Variants in AMPD3 observed in about 807,000 individuals in gnomAD.
The protein encoded by AMPD3 is adenosine monophosphate deaminase 3, also known as AMP deaminase 3.
AMPD3 carries 57 observed loss-of-function variants against 82.3 expected under a neutral mutation model. That is an observed-to-expected ratio of 0.69 (90% CI 0.56 to 0.86). AMPD3 has a LOEUF of 0.86. Ranked by LOEUF, AMPD3 falls within the 40% of genes least tolerant of loss-of-function variation. The pLI is 0.00. For synonymous variants in AMPD3, 381 were observed against 394.7 expected, an observed-to-expected ratio of 0.97 and a Z score of 0.41; for missense variants, 870 against 1,003.8, an observed-to-expected ratio of 0.87 and a Z score of 1.80.
At position 10,496,947 on chromosome 11, in the gene AMPD3, G is replaced by A. The variant is rs1228455816; in HGVS notation, c.1557+9G>A. The A allele has an allele frequency of 6.2e-7, 1 of 1,613,916 alleles. No homozygotes were observed. The highest frequency in any genetic ancestry group is 2.2e-5 in the East Asian group (1 of 44,872). On this transcript the variant is annotated intron_variant, in intron 10 of 14. Transcript: ENST00000396553. ...ACCTCTTCCTTAAATATGTAAGTGT[G>A]GGTGGTGCCCTAGGCAGGGCTCATA... is the stretch of plus-strand genomic sequence containing the variant.
intron 4 of AMPD3, chr11:10,484,318 T>C (rs1848999596): frequency 2.0e-6 from 2 of 985,334 alleles, no homozygotes; most frequent in Non-Finnish European, 2.4e-6. Flanking sequence ...CTTTGCTCCT[T>C]TGGGGAGGGA....
intron 9 of AMPD3, 91 bp from the exon 10 acceptor site, chr11:10,496,721 C>G: frequency 6.2e-7 from 1 of 1,600,692 alleles, no homozygotes; most frequent in South Asian, 1.1e-5. Context: ...GATGGGGACA[C>G]AGGGTGCCTG....
intron 2 of AMPD3, among the ~76,000 whole-genome samples, chr11:10,472,309 G>GGGAGGGATAGCATTC (rs1848618021): frequency 6.6e-6 from 1 of 152,144 alleles, no homozygotes; most frequent in African/African-American, 2.4e-5. Flanking sequence ...GAGGGGCTAG[G>GGGAGGGATAGCATTC]GGAGGGATAG....
intron 10 of AMPD3, among the ~76,000 whole-genome samples, chr11:10,497,301 T>G (rs1041807474): frequency 1.3e-5 from 2 of 151,456 alleles, no homozygotes; most frequent in Non-Finnish European, 3.0e-5. Context: ...GGTTTTTTTT[T>G]CGGAAATGCA....
chr11:10,483,518 C>T (rs780316094), intron 4 of AMPD3, among the ~76,000 whole-genome samples: 2 of 152,220 alleles, frequency 1.3e-5, no homozygotes, highest in Non-Finnish European at 2.9e-5. Flanking sequence ...CAAAGACAGA[C>T]AGAAATGACT....
At chr11:10,475,826 C>T (rs1348499927) in intron 2 of AMPD3, among the ~76,000 whole-genome samples, 1 of 152,002 alleles carries the variant, frequency 6.6e-6, no homozygotes, top group Non-Finnish European at 1.5e-5. Flanking sequence ...TGAGAGTGAC[C>T]CCTGGTCAAA....
At chr11:10,488,055 C>T (rs992290147) in intron 6 of AMPD3, among the ~76,000 whole-genome samples, 7 of 152,092 alleles carry the variant, frequency 4.6e-5, no homozygotes, top group Non-Finnish European at 8.8e-5. Context: ...TGTGGTTTTG[C>T]ATCCTTCGGG....
intron 2 of AMPD3, among the ~76,000 whole-genome samples, chr11:10,468,033 G>A (rs1848471772): frequency 6.6e-6 from 1 of 152,120 alleles, no homozygotes; most frequent in East Asian, 1.9e-4. Context: ...AACCTGGAAG[G>A]GAGCAACCGG....
At chr11:10,504,118 CTATCTATCTAT>C in intron 13 of AMPD3, 4 of 7,186 alleles carry the variant, frequency 5.6e-4, no homozygotes, top group Non-Finnish European at 8.6e-4. Context: ...CTTTACTCAT[CTATCTATCTAT>C]CTATCTATCT....
intron 2 of AMPD3, among the ~76,000 whole-genome samples, chr11:10,470,983 A>G (rs942327678): frequency 6.6e-6 from 1 of 152,216 alleles, no homozygotes; most frequent in Non-Finnish European, 1.5e-5. Context: ...ATATGGAACC[A>G]AAAAAGAGCC....
At chr11:10,459,592 A>G (rs35815414) in intron 1 of AMPD3, among the ~76,000 whole-genome samples, 26,595 of 151,958 alleles carry the variant, frequency 0.18, 2,564 homozygotes, top group Admixed American at 0.29. Context: ...CCACAAAACC[A>G]CTTCTCTCTT....
At chr11:10,459,554 G>C (rs544498079) in intron 1 of AMPD3, among the ~76,000 whole-genome samples, 1 of 152,302 alleles carries the variant, frequency 6.6e-6, no homozygotes, top group Non-Finnish European at 1.5e-5. Context: ...GCAGGGCTCT[G>C]TCTCATCTCC....
In AMPD3 at chr11:10,501,435, G is replaced by C. The variant is rs758654210; in HGVS notation, c.1722-35G>C. On this transcript the variant is annotated intron_variant, in intron 11 of 14. Transcript: ENST00000396553. The stretch of plus-strand genomic sequence containing the variant: ...GGCCCCAGGCAGAGCCAACTGGGGG[G>C]GGCCTTCCTGATTCGGAAACCCCTT... The C allele has an allele frequency of 3.1e-6, 5 of 1,610,028 alleles. No homozygotes were observed. The African/African-American group carries it at 6.7e-5, about 22-fold the overall frequency.
chr11:10,502,935 A>T, intron 13 of AMPD3, 41 bp downstream of exon 13: 1 of 1,600,958 alleles, frequency 6.2e-7, no homozygotes, highest in Non-Finnish European at 8.6e-7. Context: ...TTCAGTAGGC[A>T]CCAGTCCTAG....
intron 4 of AMPD3, chr11:10,484,324 A>T (rs1848999758): frequency 3.0e-6 from 3 of 985,296 alleles, no homozygotes; most frequent in Non-Finnish European, 3.6e-6. Flanking sequence ...TCCTTTGGGG[A>T]GGGAGTGGCT....
chr11:10,460,993 C>T, intron 1 of AMPD3: 1 of 1,093,610 alleles, frequency 9.1e-7, no homozygotes, highest in East Asian at 7.2e-5. Flanking sequence ...TCTTTCTCTT[C>T]AGCAAAAGGC....
At chr11:10,498,159 T>G (rs1009807417) in intron 10 of AMPD3, among the ~76,000 whole-genome samples, 3 of 152,182 alleles carry the variant, frequency 2.0e-5, no homozygotes, top group African/African-American at 7.2e-5. Context: ...AGCTACCAGC[T>G]TGCGTCTCTG....
chr11:10,494,490 T>C (rs1182537685), intron 7 of AMPD3: 3 of 885,642 alleles, frequency 3.4e-6, no homozygotes, highest in Non-Finnish European at 4.0e-6. Flanking sequence ...AACGTTGTGT[T>C]GTACATGCTT....
intron 2 of AMPD3, chr11:10,477,809 C>A: frequency 1.1e-6 from 1 of 912,126 alleles, no homozygotes; most frequent in Non-Finnish European, 1.3e-6. Flanking sequence ...TTGTGCCAGC[C>A]CTTTCCCATC....
Sources: allele counts gnomAD v4.1 joint callset (sites outside exome capture counted in the v4.1 genomes callset), GRCh38; gene constraint gnomAD v4.1.1; transcripts MANE v1.5; gene names NCBI Gene and HGNC (gene_info 2026-07-23, HGNC 2026-07-21).